DOCK1: variants seen among roughly 807,000 people sequenced by gnomAD.
DOCK1 encodes the protein dedicator of cytokinesis protein 1.
Under a neutral mutation model 262.7 loss-of-function variants are expected in DOCK1, and 138 were observed. The ratio of observed to expected loss-of-function variants is 0.53; its 90% CI spans 0.46 to 0.61. DOCK1 has a LOEUF of 0.61. Ranked by LOEUF, DOCK1 falls within the 20% of genes least tolerant of loss-of-function variation. The probability of loss-of-function intolerance (pLI) is 0.00; values close to 1 mark genes in which losing one functional copy is unlikely to be tolerated. For synonymous variants in DOCK1, 866 were observed against 867.4 expected (o/e 1.00, Z 0.03); for missense variants, 1,908 against 2,370.7 (o/e 0.80, Z 4.05).
chr10:126,907,349 A>C (rs2031055802), intron 1 of DOCK1, among the ~76,000 whole-genome samples: 1 of 152,112 alleles, frequency 6.6e-6, no homozygotes, highest in African/African-American at 2.4e-5. Context: ...TGAGGAAGCA[A>C]CTTAGGTGCC....
At chr10:127,075,360 C>G (rs1326219155) in intron 23 of DOCK1, among the ~76,000 whole-genome samples, 1 of 151,984 alleles carries the variant, frequency 6.6e-6, no homozygotes, top group Non-Finnish European at 1.5e-5. Context: ...TAGCCTTGAC[C>G]TCCTGGGCTC....
chr10:126,968,430 A>G (rs1377354655), intron 1 of DOCK1, among the ~76,000 whole-genome samples: 1 of 152,112 alleles, frequency 6.6e-6, no homozygotes, highest in African/African-American at 2.4e-5. Context: ...CTACAAAATC[A>G]TGGGTTGTCT....
intron 29 of DOCK1, among the ~76,000 whole-genome samples, chr10:127,333,373 G>A (rs1410348853): frequency 6.6e-6 from 1 of 152,140 alleles, no homozygotes; most frequent in Non-Finnish European, 1.5e-5. Flanking sequence ...TTTATTGGCA[G>A]CAAACACTGG....
At chr10:127,116,423 GA>G (rs2049183135) in intron 25 of DOCK1, among the ~76,000 whole-genome samples, 1 of 152,038 alleles carries the variant, frequency 6.6e-6, no homozygotes, top group South Asian at 2.1e-4. Flanking sequence ...GCAGCCCTTT[GA>G]AATCTGAGGG....
intron 27 of DOCK1, among the ~76,000 whole-genome samples, chr10:127,222,200 G>C (rs571232583): frequency 2.1e-4 from 32 of 152,314 alleles, no homozygotes; most frequent in Non-Finnish European, 3.8e-4. Flanking sequence ...CAGGAGTTCA[G>C]ATGTGAAATT....
intron 32 of DOCK1, among the ~76,000 whole-genome samples, chr10:127,359,752 G>T (rs561069379): frequency 6.6e-6 from 1 of 152,246 alleles, no homozygotes; most frequent in Admixed American, 6.5e-5. Flanking sequence ...TAATTATGAG[G>T]ATTACGTATT....
At chr10:127,143,514 C>G (rs1240869640) in intron 27 of DOCK1, among the ~76,000 whole-genome samples, 1 of 152,216 alleles carries the variant, frequency 6.6e-6, no homozygotes, top group African/African-American at 2.4e-5. Context: ...CAGCAGTCTC[C>G]TGGAACAAGG....
At chr10:127,429,413 GC>G (rs1217797129) in intron 47 of DOCK1, among the ~76,000 whole-genome samples, 2 of 152,062 alleles carry the variant, frequency 1.3e-5, no homozygotes, top group African/African-American at 4.8e-5. Context: ...TCTGGGATGT[GC>G]CTTTCCTGTC....
intron 29 of DOCK1, among the ~76,000 whole-genome samples, chr10:127,299,876 G>A (rs1405270390): frequency 6.6e-6 from 1 of 152,116 alleles, no homozygotes; most frequent in Non-Finnish European, 1.5e-5. Flanking sequence ...ATCAAACCTT[G>A]CATCCTTTTC....
chr10:126,941,930 T>A (rs2035041176), intron 1 of DOCK1, among the ~76,000 whole-genome samples: 1 of 152,228 alleles, frequency 6.6e-6, no homozygotes, highest in Non-Finnish European at 1.5e-5. Context: ...AATTATTCTC[T>A]TTTAAGCTGC....
chr10:127,402,075 T>G (rs2067257131), intron 38 of DOCK1, among the ~76,000 whole-genome samples: 1 of 152,206 alleles, frequency 6.6e-6, no homozygotes, highest in Non-Finnish European at 1.5e-5. Context: ...CTCAGCATCC[T>G]GCAGTTCTGT....
intron 51 of DOCK1, among the ~76,000 whole-genome samples, chr10:127,449,815 T>G (rs1053057642): frequency 6.6e-6 from 1 of 152,190 alleles, no homozygotes; most frequent in Non-Finnish European, 1.5e-5. Flanking sequence ...TGTCTTTAGT[T>G]GTTGCCACTA....
chr10:127,148,133 A>G lies in DOCK1; in HGVS notation c.2847+20369A>G, dbSNP rs895686269. Among the ~76,000 whole-genome samples, 18 of 152,100 alleles carry G rather than the reference A, an allele frequency of 1.2e-4. 1 individual carries two copies. The highest frequency in any genetic ancestry group is 4.3e-4 in the African/African-American group (18 of 41,432). The stretch of plus-strand genomic sequence containing the variant: ...GGAGTACACAGCAATGCGTTTCACA[A>G]GCTCCCCCTCTCTGATGTCAGACAA... On this transcript the variant is annotated intron_variant, in intron 27 of 51. Coordinates refer to ENST00000623213, the MANE Select transcript of DOCK1 (RefSeq NM_001290223.2).
In DOCK1 at chr10:127,295,024, T is replaced by G. The variant is rs556935421; in HGVS notation, c.3044+37595T>G. ...TGTAACCCCAGGGCTTTGGGAGGCC[T>G]AGGTGGGAGGATCACTTGATGCCAG... On this transcript the variant is annotated intron_variant, in intron 29 of 51. Coordinates refer to ENST00000623213, the MANE Select transcript of DOCK1 (RefSeq NM_001290223.2). 5.3e-5 allele frequency among the ~76,000 whole-genome samples: 8 copies of G among 152,274 alleles called. No homozygotes were observed. The East Asian group carries it at 1.5e-3, about 29-fold the overall frequency.
At chr10:127,448,333 T>G (rs2070727267) in intron 51 of DOCK1, among the ~76,000 whole-genome samples, 1 of 152,204 alleles carries the variant, frequency 6.6e-6, no homozygotes. Context: ...TGCCTGCCCG[T>G]ACAAATATTA....
At chr10:127,024,898 G>GT in intron 15 of DOCK1, 115 bp downstream of exon 15, 1 of 819,998 alleles carries the variant, frequency 1.2e-6, no homozygotes, top group East Asian at 2.8e-5. Flanking sequence ...GGCAGGCAGA[G>GT]TGTCTCCCAA....
intron 12 of DOCK1, among the ~76,000 whole-genome samples, chr10:127,017,654 G>A (rs1477333866): frequency 2.0e-5 from 3 of 152,156 alleles, no homozygotes; most frequent in Admixed American, 1.3e-4. Flanking sequence ...GCAGAAATGA[G>A]GACAGAGGCT....
chr10:127,261,414 T>G (rs1411540325), intron 29 of DOCK1, among the ~76,000 whole-genome samples: 4 of 132,836 alleles, frequency 3.0e-5, no homozygotes, highest in Non-Finnish European at 6.3e-5. Flanking sequence ...TGTGGGTGTG[T>G]GTGTACCCAT....
At chr10:126,989,114 A>G (rs1165116590) in intron 5 of DOCK1, among the ~76,000 whole-genome samples, 1 of 151,606 alleles carries the variant, frequency 6.6e-6, no homozygotes, top group Non-Finnish European at 1.5e-5. Context: ...CACATTGTAG[A>G]TATTAGCAAA....
Sources: gnomAD v4.1 joint callset for allele counts (sites outside exome capture counted in the v4.1 genomes callset) on GRCh38, gnomAD v4.1.1 for gene constraint, MANE v1.5 for transcripts, NCBI Gene and HGNC (gene_info 2026-07-23, HGNC 2026-07-21) for gene names.